Variants in SNX8 observed in about 807,000 individuals in gnomAD.
SNX8 encodes sorting nexin 8.
A neutral mutation model predicts 51.6 loss-of-function variants in SNX8; 25 were observed. That is an observed-to-expected ratio of 0.48 (90% CI 0.35 to 0.68). The LOEUF (loss-of-function observed/expected upper bound fraction) is 0.68. Among genes scored for constraint, SNX8 ranks in the 30% least tolerant of loss-of-function variants. The pLI is 0.00. For synonymous variants in SNX8, 324 were observed against 277.0 expected (o/e 1.17, Z -1.68); for missense variants, 695 against 624.0 (o/e 1.11, Z -1.21).
intron 1 of SNX8, among the ~76,000 whole-genome samples, chr7:2,325,001 G>A (rs373841497): frequency 3.3e-5 from 5 of 151,468 alleles, no homozygotes; most frequent in Admixed American, 1.3e-4. Flanking sequence ...CCCAGCTACA[G>A]GCTATTTATT....
intron 4 of SNX8, among the ~76,000 whole-genome samples, chr7:2,270,312 T>TGCAA (rs1795612479): frequency 3.4e-4 from 1 of 2,900 alleles, no homozygotes; most frequent in Non-Finnish European, 1.4e-3. Flanking sequence ...ACTCTCATTT[T>TGCAA]ACAAAAAAAA....
Position 2,257,548 on chromosome 7 carries a change from T to C in SNX8, c.985-34A>G, listed in dbSNP as rs1440738717. 2.5e-6 allele frequency: 4 copies of C among 1,598,650 alleles called. No individual in the cohort carries two copies. The South Asian group carries it at 4.4e-5, about 18-fold the overall frequency. The stretch of plus-strand genomic sequence containing the variant: ...CCGGGGGAGGCATTCGCCCGCTGTC[T>C]GGATGCCTGCGCCAGGGCCCTGCGG... On this transcript the variant is annotated intron_variant, in intron 8 of 10. Transcript: ENST00000222990.
intron 1 of SNX8, among the ~76,000 whole-genome samples, chr7:2,328,106 G>A (rs1778659088): frequency 1.3e-5 from 2 of 152,070 alleles, no homozygotes; most frequent in South Asian, 4.2e-4. Flanking sequence ...CTGGAGTGTT[G>A]TGACATGATC....
intron 1 of SNX8, among the ~76,000 whole-genome samples, chr7:2,310,252 C>T (rs1796634389): frequency 6.6e-6 from 1 of 151,996 alleles, no homozygotes; most frequent in African/African-American, 2.4e-5. Flanking sequence ...AAGAACAGGC[C>T]CTGAAAAAAA....
At chr7:2,303,346 C>T (rs1796457355) in intron 1 of SNX8, among the ~76,000 whole-genome samples, 1 of 151,228 alleles carries the variant, frequency 6.6e-6, no homozygotes, top group African/African-American at 2.4e-5. Flanking sequence ...GGTCAGCCCC[C>T]CGCCCAGCCA....
At chr7:2,267,977 T>G (rs1795515933) in intron 5 of SNX8, among the ~76,000 whole-genome samples, 4 of 133,512 alleles carry the variant, frequency 3.0e-5, no homozygotes, top group South Asian at 2.5e-4. Context: ...CCATCTGGGA[T>G]GTGAGGAGCG....
At chr7:2,274,793 T>TCTCGGGAGCC (rs752151608) in intron 3 of SNX8, among the ~76,000 whole-genome samples, 109 of 152,260 alleles carry the variant, frequency 7.2e-4, no homozygotes, top group South Asian at 1.7e-3. Flanking sequence ...TCTCGGGAGC[T>TCTCGGGAGCC]CTCGGGAGCC....
upstream of SNX8, among the ~76,000 whole-genome samples, chr7:2,316,632 A>C (rs1283744141): frequency 0.011 from 605 of 53,740 alleles, no homozygotes; most frequent in Middle Eastern, 0.018. Context: ...CATTCACACA[A>C]CCACTCACTC....
At chr7:2,325,841 T>C (rs187136588) in intron 1 of SNX8, among the ~76,000 whole-genome samples, 1 of 152,010 alleles carries the variant, frequency 6.6e-6, no homozygotes, top group East Asian at 1.9e-4. Context: ...CAAAAAAAAT[T>C]TTTTTAAATA....
intron 1 of SNX8, among the ~76,000 whole-genome samples, chr7:2,303,130 C>G (rs1295250320): frequency 6.7e-6 from 1 of 148,704 alleles, no homozygotes; most frequent in East Asian, 2.1e-4. Flanking sequence ...CCCGCCCGGC[C>G]AGCCGCCCCG....
chr7:2,301,456 C>G (rs988427567), intron 1 of SNX8, among the ~76,000 whole-genome samples: 5 of 152,228 alleles, frequency 3.3e-5, no homozygotes, highest in Non-Finnish European at 7.3e-5. Context: ...ATTGAAGCAG[C>G]AGCACGCACA....
chr7:2,320,458 C>T (rs1305595778), intron 1 of SNX8, among the ~76,000 whole-genome samples: 2 of 152,158 alleles, frequency 1.3e-5, no homozygotes, highest in East Asian at 1.9e-4. Flanking sequence ...CAGCAGCTCA[C>T]ACCTGCAATC....
intron 6 of SNX8, among the ~76,000 whole-genome samples, chr7:2,263,740 G>A (rs930250693): frequency 2.0e-5 from 3 of 151,804 alleles, no homozygotes; most frequent in African/African-American, 7.3e-5. Context: ...TTGAGACGGA[G>A]TCTCGCTGTA....
chr7:2,323,396 C>A (rs1390416148), intron 1 of SNX8, among the ~76,000 whole-genome samples: 3 of 150,882 alleles, frequency 2.0e-5, no homozygotes, highest in Non-Finnish European at 4.4e-5. Context: ...CATTGTTTAG[C>A]GTATCTTAGA....
intron 1 of SNX8, among the ~76,000 whole-genome samples, chr7:2,298,791 A>C (rs1796329432): frequency 6.6e-6 from 1 of 151,092 alleles, no homozygotes; most frequent in African/African-American, 2.4e-5. Context: ...TCCCAGGTTC[A>C]AGAGATTCTC....
At chr7:2,323,433 T>G (rs1778570999) in intron 1 of SNX8, among the ~76,000 whole-genome samples, 1 of 152,072 alleles carries the variant, frequency 6.6e-6, no homozygotes. Context: ...AATGAGTTGT[T>G]TAGGATAGGC....
chr7:2,344,347 C>T (rs961190195), intron 1 of SNX8, among the ~76,000 whole-genome samples: 6 of 152,024 alleles, frequency 3.9e-5, no homozygotes, highest in African/African-American at 1.4e-4. Context: ...GACAGTGGCT[C>T]ACACCTGTAA....
chr7:2,339,588 C>A (rs1778886876), intron 1 of SNX8, among the ~76,000 whole-genome samples: 1 of 152,042 alleles, frequency 6.6e-6, no homozygotes, highest in Non-Finnish European at 1.5e-5. Context: ...TGACAATTGA[C>A]CCAAATTGAT....
At chr7:2,267,737 G>A (rs1480647463) in intron 5 of SNX8, among the ~76,000 whole-genome samples, 36 of 144,000 alleles carry the variant, frequency 2.5e-4, no homozygotes, top group African/African-American at 7.2e-4. Flanking sequence ...CCGCCACCCC[G>A]TCTGGGAAGT....
Sources: gnomAD v4.1 joint callset for allele counts (sites outside exome capture counted in the v4.1 genomes callset) on GRCh38, gnomAD v4.1.1 for gene constraint, MANE v1.5 for transcripts, NCBI Gene and HGNC (gene_info 2026-07-23, HGNC 2026-07-21) for gene names.